Variants in INCENP observed in about 807,000 individuals in gnomAD.
The protein encoded by INCENP is binds and activates aurora-B and -C in vivo and in vitro.
In INCENP, 43 loss-of-function variants were observed where a neutral mutation model predicts 107.3. The ratio of observed to expected loss-of-function variants is 0.40; its 90% CI spans 0.31 to 0.52. The LOEUF is 0.52. Ranked by LOEUF, INCENP falls within the 20% of genes least tolerant of loss-of-function variation. The pLI, the probability that INCENP is intolerant of heterozygous loss-of-function variation, is 0.53. For synonymous variants in INCENP, 488 were observed against 494.4 expected (o/e 0.99, Z 0.17); for missense variants, 1,089 against 1,250.9 (o/e 0.87, Z 1.95).
chr11:62,124,745 G>A (rs1259690013), intron 1 of INCENP, among the ~76,000 whole-genome samples: 1 of 152,164 alleles, frequency 6.6e-6, no homozygotes, highest in Non-Finnish European at 1.5e-5. Context: ...GTGGTTAAGG[G>A]CACGGTTTAA....
chr11:62,130,808 A>G (rs1943878094), intron 4 of INCENP, among the ~76,000 whole-genome samples: 1 of 152,168 alleles, frequency 6.6e-6, no homozygotes, highest in African/African-American at 2.4e-5. Context: ...CTGAATTTTA[A>G]ATTGTATTGC....
At chr11:62,148,920 C>A in intron 17 of INCENP, 74 bp downstream of exon 17, 1 of 926,674 alleles carries the variant, frequency 1.1e-6, no homozygotes, top group Non-Finnish European at 1.6e-6. Context: ...TAGCTAGAGG[C>A]ACAGGCTGTG....
Position 62,140,913 on chromosome 11 carries a change from G to T in INCENP, c.1462G>T (p.Val488Leu), listed in dbSNP as rs754926466. 6.2e-7 allele frequency: 1 copy of T among 1,614,164 alleles called. No individual in the cohort carries two copies. The highest frequency in any genetic ancestry group is 1.1e-5 in the South Asian group (1 of 91,090). The change falls in exon 10 of 19, where the codon GTG (valine) becomes TTG (leucine). Residue 488 changes from valine to leucine, a missense_variant and splice_region_variant. Coordinates refer to ENST00000394818, the MANE Select transcript of INCENP (RefSeq NM_001040694.2). ...TTCTGACCCTGGTCCTCGTCTGCAG[G>T]TGGTACGGCCCCTCCGGACCTTTCT... ...TPSSPCPASK[V>L]VRPLRTFLHT...
rs368338686 is a variant in INCENP at position 62,152,332 on chromosome 11, C to G, written c.*356C>G. ...AATAAAGTATATTCCTTCAAGCCTG[C>G]TGTTGATACCATGAAGACTGGGCGC... On this transcript the variant is annotated 3_prime_UTR_variant, in exon 19 of 19. Transcript: ENST00000394818. The G allele has an allele frequency of 4.5e-4, 126 of 279,344 alleles. 2 individuals carry two copies. The South Asian group carries it at 5.3e-3, about 12-fold the overall frequency. 17.3% of individuals were successfully genotyped at this position (279,344 alleles called of 1,614,324 possible).
chr11:62,149,660 G>A lies in INCENP; in HGVS notation c.2392-397G>A, dbSNP rs561950482. Among the ~76,000 whole-genome samples the A allele has an allele frequency of 8.5e-5, 13 of 152,180 alleles. No individual in the cohort carries two copies. The South Asian group carries it at 2.5e-3, about 29-fold the overall frequency. On this transcript the variant is annotated intron_variant, in intron 17 of 18. Coordinates refer to ENST00000394818, the MANE Select transcript of INCENP (RefSeq NM_001040694.2). The stretch of plus-strand genomic sequence containing the variant: ...AAGTAGGCCTGGTGCAGTGGTTCTC[G>A]CCTGTAATCCCAGCATATTGGGAGG...
intron 4 of INCENP, among the ~76,000 whole-genome samples, chr11:62,133,461 T>A (rs1943931541): frequency 1.3e-5 from 2 of 152,130 alleles, no homozygotes; most frequent in Admixed American, 1.3e-4. Context: ...CGGGCAGCAG[T>A]TCTGAAGTGG....
Position 62,140,817 on chromosome 11 carries a change from G to A in INCENP, c.1457G>A (p.Ser486Asn), listed in dbSNP as rs1944101272. ...SKTPSSPCPA[S>N]KVVRPLRTFL... ...ACCCCTTCCTCACCCTGCCCAGCCA[G>A]CAAGGTGAGCCAGGCACCTGCCCTC... The change falls in exon 9 of 19, where the codon AGC becomes AAC. Residue 486 changes from serine to asparagine, a missense_variant. Transcript: ENST00000394818. The A allele has an allele frequency of 2.5e-6, 4 of 1,613,422 alleles. No individual in the cohort carries two copies. Among genetic ancestry groups the A allele is most frequent in the Non-Finnish European group, 3.4e-6 (4 of 1,179,916 alleles).
chr11:62,147,677 C>T (rs536021009), intron 15 of INCENP, among the ~76,000 whole-genome samples: 3 of 152,282 alleles, frequency 2.0e-5, no homozygotes, highest in South Asian at 4.1e-4. Flanking sequence ...TTTTCCGTGT[C>T]CATCTTCGTG....
rs3972386 is a variant in INCENP, at chr11:62,144,335, CAA to C, written c.1606-635_1606-634del. On this transcript the variant is annotated intron_variant, in intron 11 of 18. Coordinates refer to ENST00000394818, the MANE Select transcript of INCENP (RefSeq NM_001040694.2). ...TGACAGAGCAGACTCTGTCTCCACA[CAA>C]AAAAAAAAAAAGAAAAAAAAGTGCA... Among the ~76,000 whole-genome samples the C allele has an allele frequency of 5.2e-3, 702 of 133,794 alleles. 2 individuals carry two copies. The highest frequency in any genetic ancestry group is 8.1e-3 in the Non-Finnish European group (502 of 61,838). 87.8% of individuals were successfully genotyped at this position (133,794 alleles called of 152,430 possible).
rs1048029232 is a variant in INCENP at position 62,148,468 on chromosome 11, G to A, written c.2205-8G>A. ...TCCTGTCCTAACAGGCTCTTGCTGG[G>A]TCCTCAGGGAGCTGCAGGAGCGGGA... On this transcript the variant is annotated splice_polypyrimidine_tract_variant and splice_region_variant and intron_variant, in intron 15 of 18. Coordinates refer to ENST00000394818, the MANE Select transcript of INCENP (RefSeq NM_001040694.2). 1 of 1,597,698 alleles carries A rather than the reference G, an allele frequency of 6.3e-7. No homozygotes were observed. The highest frequency in any genetic ancestry group is 8.5e-7 in the Non-Finnish European group (1 of 1,173,470).
intron 1 of INCENP, among the ~76,000 whole-genome samples, chr11:62,125,234 C>T (rs1943723817): frequency 6.6e-6 from 1 of 152,196 alleles, no homozygotes. Context: ...CTTACGGTAA[C>T]CCTTTTTAAA....
At chr11:62,149,479 T>C (rs1264327254) in intron 17 of INCENP, among the ~76,000 whole-genome samples, 1 of 152,212 alleles carries the variant, frequency 6.6e-6, no homozygotes, top group East Asian at 1.9e-4. Context: ...ATGGTATCTG[T>C]CAATGATGGA....
chr11:62,124,552 C>T (rs1943709312), intron 1 of INCENP, among the ~76,000 whole-genome samples: 1 of 152,248 alleles, frequency 6.6e-6, no homozygotes, highest in Admixed American at 6.5e-5. Context: ...CCCCCGCCCC[C>T]AGCTGAGCAG....
At chr11:62,135,445 A>G (rs1943973364) in intron 4 of INCENP, among the ~76,000 whole-genome samples, 2 of 151,792 alleles carry the variant, frequency 1.3e-5, no homozygotes, top group African/African-American at 4.8e-5. Flanking sequence ...TTGTCTTTTC[A>G]GTAGAGACGG....
At chr11:62,135,133 A>G (rs562691179) in intron 4 of INCENP, among the ~76,000 whole-genome samples, 3 of 152,248 alleles carry the variant, frequency 2.0e-5, no homozygotes, top group African/African-American at 7.2e-5. Flanking sequence ...TAGCTTTTTC[A>G]GATAATTATG....
At position 62,140,837 on chromosome 11, in the gene INCENP, G is replaced by T; in HGVS notation, c.1461+16G>T. On this transcript the variant is annotated intron_variant, in intron 9 of 18. Transcript: ENST00000394818. ...AGCCAGCAAGGTGAGCCAGGCACCT[G>T]CCCTCTCCTGGAGCCCTGACCCCCT... 1.2e-6 allele frequency: 2 copies of T among 1,613,412 alleles called. No individual in the cohort carries two copies. The highest frequency in any genetic ancestry group is 2.2e-5 in the East Asian group (1 of 44,868).
chr11:62,138,943 A>G lies in INCENP; in HGVS notation c.1229A>G (p.Asn410Ser), dbSNP rs914170960. 1 of 1,614,076 alleles carries G rather than the reference A, an allele frequency of 6.2e-7. No homozygotes were observed. Among genetic ancestry groups the G allele is most frequent in the Non-Finnish European group, 8.5e-7 (1 of 1,180,028 alleles). The stretch of plus-strand genomic sequence containing the variant: ...CCCCACAATGACACGGAGATTGCCA[A>G]CAGCACACCCAACCCGAAGCCTGCA... ...SWPHNDTEIA[N>S]STPNPKPAAS... is the part of the protein sequence containing the mutation. Residue 410 changes from asparagine (N) to serine (S), a missense_variant, in exon 7 of 19, where the codon AAC (asparagine) becomes AGC (serine). Physicochemically the swap from Asn to Ser is conservative, Grantham distance 46 (BLOSUM62 1). Transcript: ENST00000394818.
chr11:62,135,331 G>A (rs1295503576), intron 4 of INCENP, among the ~76,000 whole-genome samples: 1 of 151,402 alleles, frequency 6.6e-6, no homozygotes, highest in Non-Finnish European at 1.5e-5. Flanking sequence ...GCAGTGGTGC[G>A]ATCTCAGCTC....
chr11:62,139,630 C>T lies in INCENP; in HGVS notation c.1292-604C>T, dbSNP rs116497543. On this transcript the variant is annotated intron_variant, in intron 7 of 18. Transcript: ENST00000394818. ...GAACTTTTGGAGTAAGGTGCACCTT[C>T]TCCTAGCAGTGAAACAAAACAATAC... Among the ~76,000 whole-genome samples the T allele has an allele frequency of 1.7e-3, 256 of 152,362 alleles. 3 individuals are homozygous for T. The highest frequency in any genetic ancestry group is 5.9e-3 in the African/African-American group (245 of 41,584).
Sources: gnomAD v4.1 joint callset for allele counts (sites outside exome capture counted in the v4.1 genomes callset) on GRCh38, gnomAD v4.1.1 for gene constraint, MANE v1.5 for transcripts, NCBI Gene and HGNC (gene_info 2026-07-23, HGNC 2026-07-21) for gene names.